The following BRMS1L variants were observed in gnomAD, a reference collection of about 807,000 sequenced individuals.
BRMS1L encodes breast cancer metastasis-suppressor 1-like protein.
Under a neutral mutation model 50.3 loss-of-function variants are expected in BRMS1L, and 23 were observed. The ratio of observed to expected loss-of-function variants is 0.46; its 90% CI spans 0.33 to 0.65. The LOEUF is 0.65. Ranked by LOEUF, BRMS1L falls within the 30% of genes least tolerant of loss-of-function variation. The pLI, the probability that BRMS1L is intolerant of heterozygous loss-of-function variation, is 0.02. For synonymous variants in BRMS1L, 114 were observed against 126.9 expected, an observed-to-expected ratio of 0.90 and a Z score of 0.69; for missense variants, 286 against 386.1, an observed-to-expected ratio of 0.74 and a Z score of 2.17.
chr14:35,846,289 C>T (rs1028533414), intron 4 of BRMS1L, among the ~76,000 whole-genome samples: 7 of 151,484 alleles, frequency 4.6e-5, no homozygotes, highest in African/African-American at 1.2e-4. Flanking sequence ...CCCAGCTACT[C>T]GGGAGGCTGA....
At chr14:35,861,222 A>G (rs1037047252) in intron 4 of BRMS1L, among the ~76,000 whole-genome samples, 2 of 152,250 alleles carry the variant, frequency 1.3e-5, no homozygotes, top group African/African-American at 2.4e-5. Context: ...GGCTTTTTAA[A>G]AAATAATAAA....
intron 4 of BRMS1L, among the ~76,000 whole-genome samples, chr14:35,839,909 G>A (rs1335048637): frequency 1.3e-5 from 2 of 152,040 alleles, no homozygotes; most frequent in East Asian, 1.9e-4. Flanking sequence ...ATACTATGTC[G>A]AATACGAGTG....
intron 4 of BRMS1L, among the ~76,000 whole-genome samples, chr14:35,842,643 T>A (rs59413280): frequency 5.3e-5 from 8 of 152,134 alleles, no homozygotes; most frequent in Non-Finnish European, 8.8e-5. Flanking sequence ...GTGAATCTGA[T>A]GATTATGTGT....
chr14:35,832,840 G>T, intron 2 of BRMS1L, 138 bp from the exon 3 acceptor site: 1 of 699,068 alleles, frequency 1.4e-6, no homozygotes, highest in East Asian at 3.0e-5. Flanking sequence ...TGAGTTCTCT[G>T]CTTGAGATCA....
At chr14:35,855,476 G>T (rs1201625198) in intron 4 of BRMS1L, among the ~76,000 whole-genome samples, 1 of 152,080 alleles carries the variant, frequency 6.6e-6, no homozygotes, top group East Asian at 1.9e-4. Context: ...GGTGTGTTGG[G>T]TATCTAGTCC....
chr14:35,855,600 C>T (rs964179387), intron 4 of BRMS1L, among the ~76,000 whole-genome samples: 2 of 151,962 alleles, frequency 1.3e-5, no homozygotes, highest in Non-Finnish European at 2.9e-5. Flanking sequence ...AAATATTAAC[C>T]GAAATTTCTT....
chr14:35,854,021 C>A (rs1027324421), intron 4 of BRMS1L, among the ~76,000 whole-genome samples: 2 of 152,128 alleles, frequency 1.3e-5, no homozygotes. Context: ...TCCAGTTATT[C>A]CCTCCCAAAT....
intron 4 of BRMS1L, among the ~76,000 whole-genome samples, chr14:35,851,357 C>G (rs926380891): frequency 2.1e-5 from 3 of 143,070 alleles, no homozygotes; most frequent in African/African-American, 8.1e-5. Flanking sequence ...GAAGTGATTT[C>G]CAGATGTCTA....
chr14:35,857,825 TC>T (rs1223938806), intron 4 of BRMS1L, among the ~76,000 whole-genome samples: 1 of 152,116 alleles, frequency 6.6e-6, no homozygotes, highest in African/African-American at 2.4e-5. Context: ...AATAATTGCT[TC>T]ATTTATTGTT....
rs1218275581 is a variant in BRMS1L, at chr14:35,836,006, A to AGTAGTTAG, written c.441+1087_441+1094dup. Reference sequence around the variant, plus strand: ...TCACTTTAATGTGCCGTAAACTAAGAGTAGTTAGGTATAAAAATGATAGAG... The same window carrying AGTAGTTAG: ...TCACTTTAATGTGCCGTAAACTAAGAGTAGTTAGGTAGTTAGGTATAAAAATGATAGAG... On this transcript the variant is annotated intron_variant, in intron 4 of 9. Transcript: ENST00000216807. 2.6e-5 allele frequency among the ~76,000 whole-genome samples: 4 copies of AGTAGTTAG among 152,232 alleles called. No homozygotes were observed. In the East Asian group the frequency reaches 7.7e-4, roughly 29 times the overall value.
chr14:35,830,312 G>A (rs1250076403), intron 1 of BRMS1L, among the ~76,000 whole-genome samples: 1 of 151,902 alleles, frequency 6.6e-6, no homozygotes, highest in African/African-American at 2.4e-5. Context: ...CAGGTGATCC[G>A]CCTGCCTCAG....
intron 4 of BRMS1L, among the ~76,000 whole-genome samples, chr14:35,856,915 A>G (rs2078287708): frequency 6.6e-6 from 1 of 151,828 alleles, no homozygotes; most frequent in Admixed American, 6.6e-5. Context: ...TGAATCTACT[A>G]TTTTCATATC....
At chr14:35,851,775 G>A (rs576923016) in intron 4 of BRMS1L, among the ~76,000 whole-genome samples, 62 of 152,178 alleles carry the variant, frequency 4.1e-4, no homozygotes, top group Non-Finnish European at 7.3e-4. Context: ...TAGAACCACC[G>A]TATGAGCCAG....
At chr14:35,843,356 G>A (rs1373109270) in intron 4 of BRMS1L, among the ~76,000 whole-genome samples, 2 of 152,106 alleles carry the variant, frequency 1.3e-5, no homozygotes, top group African/African-American at 4.8e-5. Flanking sequence ...CCTTTGGATG[G>A]GGTTTCTCTG....
At chr14:35,855,159 G>A (rs1442460460) in intron 4 of BRMS1L, among the ~76,000 whole-genome samples, 1 of 152,184 alleles carries the variant, frequency 6.6e-6, no homozygotes, top group African/African-American at 2.4e-5. Flanking sequence ...CTAGGTTATT[G>A]ATACCAGCAG....
intron 4 of BRMS1L, among the ~76,000 whole-genome samples, chr14:35,840,891 GT>G (rs139089471): frequency 0.2 from 29,827 of 151,836 alleles, 3,090 homozygotes; most frequent in East Asian, 0.35. Context: ...TCTTCTGCTA[GT>G]TTTTTGAATT....
chr14:35,850,106 G>A (rs759353565), intron 4 of BRMS1L, among the ~76,000 whole-genome samples: 2 of 152,046 alleles, frequency 1.3e-5, no homozygotes, highest in Non-Finnish European at 2.9e-5. Flanking sequence ...ACAGGCGTGA[G>A]CCACTGTGCC....
intron 4 of BRMS1L, among the ~76,000 whole-genome samples, chr14:35,850,065 A>G (rs920987064): frequency 6.6e-6 from 1 of 151,744 alleles, no homozygotes; most frequent in South Asian, 2.1e-4. Flanking sequence ...CAAGTGATCC[A>G]CCCGCCTCGG....
chr14:35,833,621 C>G (rs2142038591), intron 3 of BRMS1L, among the ~76,000 whole-genome samples: 1 of 152,080 alleles, frequency 6.6e-6, no homozygotes, highest in Middle Eastern at 3.4e-3. Flanking sequence ...TACAAATAAA[C>G]AAAGATGCAC....
Sources: gnomAD v4.1 joint callset for allele counts (sites outside exome capture counted in the v4.1 genomes callset) on GRCh38, gnomAD v4.1.1 for gene constraint, MANE v1.5 for transcripts, NCBI Gene and HGNC (gene_info 2026-07-23, HGNC 2026-07-21) for gene names.